Variants in CAMKMT observed in about 807,000 individuals in gnomAD.
CAMKMT encodes calmodulin-lysine N-methyltransferase, also known as CaM KMT.
Under a neutral mutation model 48.0 loss-of-function variants are expected in CAMKMT, and 53 were observed. That is an observed-to-expected ratio of 1.10 (90% CI 0.89 to 1.39). CAMKMT has a LOEUF of 1.39. Ranked by LOEUF, CAMKMT falls within the 40% of genes most tolerant of loss-of-function variation. The pLI is 0.00. For synonymous variants in CAMKMT, 165 were observed against 152.3 expected, an observed-to-expected ratio of 1.08 and a Z score of -0.61; for missense variants, 428 against 402.7, an observed-to-expected ratio of 1.06 and a Z score of -0.54.
At chr2:44,419,133 G>A (rs1024477694) in intron 3 of CAMKMT, among the ~76,000 whole-genome samples, 13 of 152,296 alleles carry the variant, frequency 8.5e-5, no homozygotes, top group African/African-American at 2.6e-4. Flanking sequence ...TGCTATTTAT[G>A]AGATCTGAAG....
chr2:44,622,699 G>A (rs542207295), intron 3 of CAMKMT, among the ~76,000 whole-genome samples: 3 of 152,296 alleles, frequency 2.0e-5, no homozygotes, highest in East Asian at 1.9e-4. Context: ...ATAGTATTCC[G>A]TGGTATATAT....
intron 3 of CAMKMT, among the ~76,000 whole-genome samples, chr2:44,688,520 T>A (rs978070360): frequency 1.3e-5 from 2 of 149,500 alleles, no homozygotes; most frequent in Non-Finnish European, 3.0e-5. Context: ...ATATATATAT[T>A]TTAGCAATCT....
intron 6 of CAMKMT, 54 bp from the exon 7 acceptor site, chr2:44,715,233 T>A (rs1445825169): frequency 8.0e-7 from 1 of 1,246,684 alleles, no homozygotes; most frequent in East Asian, 2.3e-5. Flanking sequence ...TCTGGACCTT[T>A]TTTTTTGGTC....
chr2:44,687,564 A>G (rs1573078884), intron 3 of CAMKMT, among the ~76,000 whole-genome samples: 1 of 152,202 alleles, frequency 6.6e-6, no homozygotes, highest in Non-Finnish European at 1.5e-5. Flanking sequence ...GGTTTTTATC[A>G]TTGCTATCAT....
chr2:44,681,570 A>G (rs1676023594), intron 3 of CAMKMT, among the ~76,000 whole-genome samples: 1 of 150,976 alleles, frequency 6.6e-6, no homozygotes, highest in South Asian at 2.1e-4. Flanking sequence ...GGGGAGGGGA[A>G]TGGGGAAGAA....
chr2:44,631,220 G>T (rs1173115941), intron 3 of CAMKMT, among the ~76,000 whole-genome samples: 1 of 152,074 alleles, frequency 6.6e-6, no homozygotes, highest in African/African-American at 2.4e-5. Context: ...ACACAGGAAG[G>T]GGAACATCAC....
intron 3 of CAMKMT, among the ~76,000 whole-genome samples, chr2:44,473,794 C>A (rs1425571331): frequency 6.6e-6 from 1 of 152,190 alleles, no homozygotes; most frequent in African/African-American, 2.4e-5. Flanking sequence ...AATTCAACTA[C>A]CTAGAGACTT....
chr2:44,672,655 G>A lies in CAMKMT; in HGVS notation c.377-31628G>A, dbSNP rs1675399741. ...CGGGAGTATAAAGAGCTTTGTGTCT[G>A]CTTCCCAGTTTCAGAAACTCATAGT... is the stretch of plus-strand genomic sequence containing the variant. On this transcript the variant is annotated intron_variant, in intron 3 of 10. Transcript: ENST00000378494. Among the ~76,000 whole-genome samples, 2 of 152,112 alleles carry A rather than the reference G, an allele frequency of 1.3e-5. 1 individual carries two copies. The highest frequency in any genetic ancestry group is 4.1e-4 in the South Asian group (2 of 4,830).
chr2:44,667,982 A>C (rs866939071), intron 3 of CAMKMT, among the ~76,000 whole-genome samples: 5 of 152,256 alleles, frequency 3.3e-5, no homozygotes, highest in Middle Eastern at 3.4e-3. Context: ...TCAACAGTCC[A>C]GCTCTAATTA....
chr2:44,582,934 A>G (rs557565508), intron 3 of CAMKMT, among the ~76,000 whole-genome samples: 1 of 152,168 alleles, frequency 6.6e-6, no homozygotes, highest in African/African-American at 2.4e-5. Context: ...CCTTTCCTTT[A>G]TCTTTTGGCT....
chr2:44,715,192 C>CAA (rs35173334), intron 6 of CAMKMT, 95 bp from the exon 7 acceptor site: 5,651 of 423,694 alleles, frequency 0.013, 6 homozygotes, highest in African/African-American at 0.025. Flanking sequence ...GACCCTGTCT[C>CAA]AAAAAAAAAA....
rs979583925 is a variant in CAMKMT, at chr2:44,392,508, C to G, written c.376+2203C>G. On this transcript the variant is annotated intron_variant, in intron 3 of 10. Transcript: ENST00000378494. ...GCCTCAAAAATTTGATTTTATTATGCCAATAGTGATATTGAGTTTGTGACT... is the reference window on the plus strand; with the variant it reads ...GCCTCAAAAATTTGATTTTATTATGGCAATAGTGATATTGAGTTTGTGACT... Among the ~76,000 whole-genome samples, 5 of 151,960 alleles carry G rather than the reference C, an allele frequency of 3.3e-5. No individual in the cohort carries two copies. The East Asian group carries it at 7.7e-4, about 23-fold the overall frequency.
chr2:44,385,461 C>T (rs1333204339), intron 2 of CAMKMT, among the ~76,000 whole-genome samples: 2 of 151,828 alleles, frequency 1.3e-5, no homozygotes, highest in Non-Finnish European at 1.5e-5. Flanking sequence ...TACTGATGCC[C>T]TTTCTTTCTT....
intron 2 of CAMKMT, among the ~76,000 whole-genome samples, chr2:44,386,427 G>A (rs1053243325): frequency 6.6e-6 from 1 of 151,896 alleles, no homozygotes; most frequent in Non-Finnish European, 1.5e-5. Flanking sequence ...TCTTGCTAAT[G>A]GTCTATCAAT....
chr2:44,402,407 G>C (rs748191720), intron 3 of CAMKMT, among the ~76,000 whole-genome samples: 2 of 149,872 alleles, frequency 1.3e-5, no homozygotes, highest in African/African-American at 2.4e-5. Flanking sequence ...ATAGCTTCTA[G>C]AGTTGCATTT....
intron 1 of CAMKMT, among the ~76,000 whole-genome samples, chr2:44,363,688 C>CTT (rs577698393): frequency 8.6e-4 from 110 of 127,784 alleles, no homozygotes; most frequent in Middle Eastern, 4.1e-3. Context: ...CAACCCCCTT[C>CTT]TTTTTTTTTT....
intron 3 of CAMKMT, among the ~76,000 whole-genome samples, chr2:44,461,231 A>G (rs969039411): frequency 3.9e-5 from 6 of 152,210 alleles, no homozygotes; most frequent in African/African-American, 1.4e-4. Flanking sequence ...GTTGTAATCC[A>G]GACTGACATC....
intron 3 of CAMKMT, among the ~76,000 whole-genome samples, chr2:44,465,663 A>G (rs1312656234): frequency 6.6e-6 from 1 of 152,174 alleles, no homozygotes; most frequent in Admixed American, 6.5e-5. Flanking sequence ...AGTAAGTTCC[A>G]TGGGAACGGT....
At position 44,491,150 on chromosome 2, in the gene CAMKMT, CAAA is replaced by C. The variant is rs201007456; in HGVS notation, c.376+100863_376+100865del. The stretch of plus-strand genomic sequence containing the variant: ...TGAGCAGTAGAGCCAGACCTTGTCT[CAAA>C]AAAAAAAAAAAAAAAAAGGTAAATG... On this transcript the variant is annotated intron_variant, in intron 3 of 10. Coordinates refer to ENST00000378494, the MANE Select transcript of CAMKMT (RefSeq NM_024766.5). Among the ~76,000 whole-genome samples, 945 of 114,180 alleles carry C rather than the reference CAAA, an allele frequency of 8.3e-3. 3 individuals carry two copies. The highest frequency in any genetic ancestry group is 0.01 in the South Asian group (35 of 3,390). 74.9% of individuals were successfully genotyped at this position (114,180 alleles called of 152,430 possible).
Sources: allele counts gnomAD v4.1 joint callset (sites outside exome capture counted in the v4.1 genomes callset), GRCh38; gene constraint gnomAD v4.1.1; transcripts MANE v1.5; gene names NCBI Gene and HGNC (gene_info 2026-07-23, HGNC 2026-07-21).